Variants in TMED2 observed in about 807,000 individuals in gnomAD.
TMED2 encodes transmembrane p24 trafficking protein 2.
Under a neutral mutation model 17.5 loss-of-function variants are expected in TMED2, and 3 were observed. That is an observed-to-expected ratio of 0.17 (90% CI 0.08 to 0.44). The LOEUF is 0.44. Ranked by LOEUF, TMED2 falls within the 20% of genes least tolerant of loss-of-function variation. The pLI, the probability that TMED2 is intolerant of heterozygous loss-of-function variation, is 0.99. For synonymous variants in TMED2, 95 were observed against 91.0 expected (o/e 1.04, Z -0.25); for missense variants, 149 against 254.8 (o/e 0.58, Z 2.83).
intron 3 of TMED2, among the ~76,000 whole-genome samples, chr12:123,591,574 G>C (rs1163676983): frequency 1.3e-5 from 2 of 152,118 alleles, no homozygotes; most frequent in African/African-American, 4.8e-5. Context: ...ACAAGGTCAA[G>C]AGACTGAGAC....
chr12:123,590,014 G>A (rs900448026), intron 2 of TMED2, among the ~76,000 whole-genome samples: 7 of 151,458 alleles, frequency 4.6e-5, no homozygotes, highest in African/African-American at 1.7e-4. Context: ...TGGGTGCAGT[G>A]GCTCACGCAT....
intron 3 of TMED2, among the ~76,000 whole-genome samples, chr12:123,590,749 T>C (rs1201155004): frequency 6.6e-6 from 1 of 152,284 alleles, no homozygotes; most frequent in East Asian, 1.9e-4. Flanking sequence ...TTTGGGAGGC[T>C]GAGGCAGGCG....
In TMED2 at chr12:123,598,030, A is replaced by T. The variant is rs1028659974; in HGVS notation, c.*1301A>T. 1 of 152,448 alleles carries T rather than the reference A, an allele frequency of 6.6e-6. No homozygotes were observed. Among genetic ancestry groups the T allele is most frequent in the East Asian group, 1.9e-4 (1 of 5,198 alleles). 9.4% of individuals were successfully genotyped at this position (152,448 alleles called of 1,614,324 possible). On this transcript the variant is annotated 3_prime_UTR_variant, in exon 4 of 4. Transcript: ENST00000262225. Reference sequence around the variant, plus strand: ...ACCTTAGGACAACTGTTGCATGCCAAGTTTTTTGTGTGTGTGAAACACTTC... The same window carrying T: ...ACCTTAGGACAACTGTTGCATGCCATGTTTTTTGTGTGTGTGAAACACTTC...
chr12:123,596,653 C>T lies in TMED2; in HGVS notation c.530C>T (p.Ala177Val). The T allele has an allele frequency of 6.2e-7, 1 of 1,611,838 alleles. No individual in the cohort carries two copies. The highest frequency in any genetic ancestry group is 8.5e-7 in the Non-Finnish European group (1 of 1,179,136). The change falls in exon 4 of 4, where the codon GCT (alanine) becomes GTT (valine). Residue 177 changes from alanine to valine, a missense_variant. Transcript: ENST00000262225. ...SRVVLWSFFE[A>V]LVLVAMTLGQ... is the part of the protein sequence containing the mutation. ...GTGGTCCTTTGGTCCTTCTTTGAAG[C>T]TCTTGTTCTAGTTGCCATGACATTG... is the stretch of plus-strand genomic sequence containing the variant.
rs1204301619 is a variant in TMED2 at position 123,592,401 on chromosome 12, G to A, written c.481+1952G>A. Among the ~76,000 whole-genome samples, 4 of 151,884 alleles carry A rather than the reference G, an allele frequency of 2.6e-5. No individual in the cohort carries two copies. In the South Asian group the frequency reaches 6.2e-4, roughly 24 times the overall value. Reference sequence around the variant, plus strand: ...CTGGTTCAGACCAGATGGCTTTCAAGTTATAGAAGTTCTTGGGAACACAGT... The same window carrying A: ...CTGGTTCAGACCAGATGGCTTTCAAATTATAGAAGTTCTTGGGAACACAGT... On this transcript the variant is annotated intron_variant, in intron 3 of 3. Transcript: ENST00000262225.
intron 2 of TMED2, among the ~76,000 whole-genome samples, chr12:123,589,273 A>G (rs914783025): frequency 7.9e-5 from 12 of 152,164 alleles, no homozygotes; most frequent in Non-Finnish European, 1.5e-4. Context: ...AGAATGTTTG[A>G]GTTGGTGTGG....
rs533734920 is a variant in TMED2 at position 123,591,478 on chromosome 12, T to C, written c.481+1029T>C. On this transcript the variant is annotated intron_variant, in intron 3 of 3. Transcript: ENST00000262225. Reference sequence around the variant, plus strand: ...AGTGTTTTCATCCTCCAGGTAGTTCTTGGGGAGATGAAAAGAGCAAGGTGG... The same window carrying C: ...AGTGTTTTCATCCTCCAGGTAGTTCCTGGGGAGATGAAAAGAGCAAGGTGG... 1.9e-4 allele frequency among the ~76,000 whole-genome samples: 29 copies of C among 152,312 alleles called. No homozygotes were observed. In the East Asian group the frequency reaches 5.4e-3, roughly 28 times the overall value.
Position 123,584,757 on chromosome 12 carries a change from A to G in TMED2, c.121A>G (p.Thr41Ala), listed in dbSNP as rs765944268. 1 of 1,613,578 alleles carries G rather than the reference A, an allele frequency of 6.2e-7. No homozygotes were observed. Among genetic ancestry groups the G allele is most frequent in the East Asian group, 2.2e-5 (1 of 44,866 alleles). Residue 41 changes from threonine to alanine, a missense_variant, in exon 1 of 4, where the codon ACC (threonine) becomes GCC (alanine). Coordinates refer to ENST00000262225, the MANE Select transcript of TMED2 (RefSeq NM_006815.4). ...CTTCTTTGAGCGGGTCACCTCGGGC[A>G]CCAAGATGGGCCTCATCTTCGAGGT... ...ECFFERVTSG[T>A]KMGLIFEVAE...
chr12:123,586,773 T>A lies in TMED2; in HGVS notation c.207T>A (p.Ile69=). The change falls in exon 2 of 4, where the codon ATT becomes ATA. Residue 69 remains isoleucine (I), a synonymous_variant. Coordinates refer to ENST00000262225, the MANE Select transcript of TMED2 (RefSeq NM_006815.4). The part of the protein sequence containing the change: ...VEITGPDNKG[I]YKGDRESSGK... ...TTACAGGACCAGATAACAAAGGAAT[T>A]TACAAAGGAGACAGAGAATCCAGTG... The A allele has an allele frequency of 6.2e-7, 1 of 1,604,416 alleles. No individual in the cohort carries two copies. Among genetic ancestry groups the A allele is most frequent in the Non-Finnish European group, 8.5e-7 (1 of 1,175,826 alleles).
At chr12:123,596,453 A>C (rs1953431461) in intron 3 of TMED2, 152 bp from the exon 4 acceptor site, 2 of 970,686 alleles carry the variant, frequency 2.1e-6, no homozygotes, top group African/African-American at 3.4e-5. Context: ...GTTTATTGGG[A>C]TGTAACCCCA....
rs33927197 is a variant in TMED2, at chr12:123,597,847, CT to C, written c.*1134del. 0.016 allele frequency: 2,193 copies of C among 138,418 alleles called. 41 individuals are homozygous for C. The highest frequency in any genetic ancestry group is 0.053 in the African/African-American group (2,000 of 37,398). 8.6% of individuals were successfully genotyped at this position (138,418 alleles called of 1,614,324 possible). A position where few individuals can be genotyped will look rare whatever the true frequency, so the allele number is the denominator to read the frequency against. ...GACTGATACATATTAGTTACTTGTGCTTTTTTTTTTTTTTTTGGATCTTTGC... is the reference window on the plus strand; with the variant it reads ...GACTGATACATATTAGTTACTTGTGCTTTTTTTTTTTTTTTGGATCTTTGC... On this transcript the variant is annotated 3_prime_UTR_variant, in exon 4 of 4. Transcript: ENST00000262225.
At chr12:123,589,755 ATATTTTATATT>A (rs1312428996) in intron 2 of TMED2, among the ~76,000 whole-genome samples, 3 of 151,458 alleles carry the variant, frequency 2.0e-5, no homozygotes, top group African/African-American at 7.3e-5. Flanking sequence ...ATATTATTTT[ATATTTTATATT>A]TATTTTATAA....
intron 2 of TMED2, 113 bp from the exon 3 acceptor site, chr12:123,590,229 G>T (rs1457268970): frequency 1.4e-6 from 1 of 693,890 alleles, no homozygotes; most frequent in Admixed American, 3.4e-5. Flanking sequence ...GTTGCAGTGA[G>T]CTGAGATTGA....
intron 3 of TMED2, among the ~76,000 whole-genome samples, chr12:123,590,756 G>A (rs189488202): frequency 6.6e-6 from 1 of 152,272 alleles, no homozygotes; most frequent in African/African-American, 2.4e-5. Context: ...GGCTGAGGCA[G>A]GCGGATCACC....
chr12:123,586,065 A>C (rs36002329), intron 1 of TMED2: 32,878 of 152,150 alleles, frequency 0.22, 3,873 homozygotes, highest in Middle Eastern at 0.29. Context: ...GGGATGCAGA[A>C]ATTCTTTATT....
intron 2 of TMED2, 41 bp from the exon 3 acceptor site, chr12:123,590,301 A>AAT (rs369175197): frequency 1.4e-4 from 200 of 1,440,362 alleles, no homozygotes; most frequent in Middle Eastern, 1.9e-4. Context: ...AAAAAAAAAA[A>AAT]GACATTGACA....
Position 123,596,702 on chromosome 12 carries a change from AT to A in TMED2, c.585del (p.Phe195LeufsTer28). On this transcript the variant is annotated frameshift_variant, in exon 4 of 4. Transcript: ENST00000262225. LOFTEE classifies it high-confidence loss of function. ...TLGQIYYLKR[F>X]FEVRRVV is the part of the protein sequence containing the mutation. ...TGGGACAGATCTACTACCTGAAGAGATTTTTTGAAGTCCGGAGAGTTGTTTA... is the reference window on the plus strand; with the variant it reads ...TGGGACAGATCTACTACCTGAAGAGATTTTTGAAGTCCGGAGAGTTGTTTA... 1 of 1,609,884 alleles carries A rather than the reference AT, an allele frequency of 6.2e-7. No individual in the cohort carries two copies. The highest frequency in any genetic ancestry group is 1.7e-5 in the Admixed American group (1 of 59,066).
rs1953437108 is a variant in TMED2, at chr12:123,597,212, G to A, written c.*483G>A. On this transcript the variant is annotated 3_prime_UTR_variant, in exon 4 of 4. Coordinates refer to ENST00000262225, the MANE Select transcript of TMED2 (RefSeq NM_006815.4). ...CTTGACGGTTTCTGCCCGTCCTAAT[G>A]GCAGAGCTCTCTGACTTGGGTGTAT... 1 of 152,218 alleles carries A rather than the reference G, an allele frequency of 6.6e-6. No homozygotes were observed. The highest frequency in any genetic ancestry group is 2.4e-5 in the African/African-American group (1 of 41,432). 9.4% of individuals were successfully genotyped at this position (152,218 alleles called of 1,614,324 possible). A position where few individuals can be genotyped will look rare whatever the true frequency, so the allele number is the denominator to read the frequency against.
intron 2 of TMED2, chr12:123,587,775 A>G (rs1953362285): frequency 4.6e-6 from 3 of 651,236 alleles, no homozygotes; most frequent in African/African-American, 2.0e-5. Flanking sequence ...AATTGGATTG[A>G]TATTTTTTTT....
Sources: allele counts gnomAD v4.1 joint callset (sites outside exome capture counted in the v4.1 genomes callset), GRCh38; gene constraint gnomAD v4.1.1; transcripts MANE v1.5; gene names NCBI Gene and HGNC (gene_info 2026-07-23, HGNC 2026-07-21).